The following ITSN1 variants were observed in gnomAD, a reference collection of about 807,000 sequenced individuals.
ITSN1 encodes the protein intersectin-1.
In ITSN1, 58 loss-of-function variants were observed where a neutral mutation model predicts 239.8. That is an observed-to-expected ratio of 0.24 (90% CI 0.20 to 0.30). The LOEUF is 0.30. Among genes scored for constraint, ITSN1 ranks in the 10% least tolerant of loss-of-function variants. The probability of loss-of-function intolerance (pLI) is 1.00; values close to 1 mark genes in which losing one functional copy is unlikely to be tolerated. For synonymous variants in ITSN1, 780 were observed against 770.8 expected, an observed-to-expected ratio of 1.01 and a Z score of -0.20; for missense variants, 1,558 against 2,103.3, an observed-to-expected ratio of 0.74 and a Z score of 5.07.
intron 29 of ITSN1, chr21:33,838,241 A>G (rs1337509820): frequency 9.0e-5 from 89 of 985,174 alleles, no homozygotes; most frequent in Non-Finnish European, 1.0e-4. Context: ...CTGTCCTCCT[A>G]AAGACTCTGT....
In ITSN1 at chr21:33,713,925, C is replaced by G. The variant is rs559710753; in HGVS notation, c.-32-4872C>G. On this transcript the variant is annotated intron_variant, in intron 1 of 39. Coordinates refer to ENST00000381318, the MANE Select transcript of ITSN1 (RefSeq NM_003024.3). ...TCTCGGCTCACTGCAACCTCCGGCTCTCGGGTTCAAGCAATTCTCCTGCCT... is the reference window on the plus strand; with the variant it reads ...TCTCGGCTCACTGCAACCTCCGGCTGTCGGGTTCAAGCAATTCTCCTGCCT... Among the ~76,000 whole-genome samples the G allele has an allele frequency of 3.6e-3, 531 of 146,216 alleles. 2 individuals carry two copies. The highest frequency in any genetic ancestry group is 0.013 in the African/African-American group (502 of 39,560).
intron 33 of ITSN1, among the ~76,000 whole-genome samples, chr21:33,873,931 C>T (rs1381674980): frequency 3.3e-5 from 5 of 151,888 alleles, no homozygotes. Context: ...GAGGCCGAGG[C>T]AGGCAGAACA....
chr21:33,752,002 T>C (rs1432610705), intron 7 of ITSN1, 96 bp downstream of exon 7: 1 of 836,758 alleles, frequency 1.2e-6, no homozygotes, highest in East Asian at 2.6e-5. Flanking sequence ...CTTTTTGTTG[T>C]TGTCATCTTT....
intron 1 of ITSN1, among the ~76,000 whole-genome samples, chr21:33,705,158 A>G (rs1458962660): frequency 1.3e-5 from 2 of 151,670 alleles, no homozygotes; most frequent in Admixed American, 1.3e-4. Context: ...GGAGATAAAA[A>G]TCACTGAACC....
intron 25 of ITSN1, 58 bp downstream of exon 25, chr21:33,823,711 A>G (rs1037113315): frequency 6.6e-7 from 1 of 1,520,976 alleles, no homozygotes; most frequent in African/African-American, 1.4e-5. Context: ...CTTTGTGGGG[A>G]GTCACGATGT....
chr21:33,770,264 T>C (rs2069052309), intron 11 of ITSN1, among the ~76,000 whole-genome samples: 1 of 152,134 alleles, frequency 6.6e-6, no homozygotes, highest in African/African-American at 2.4e-5. Flanking sequence ...GGTTTCTCCA[T>C]GTTGGTCAGG....
In ITSN1 at chr21:33,819,258, C is replaced by T. The variant is rs2073492189; in HGVS notation, c.2951C>T (p.Ser984Leu). 1.2e-6 allele frequency: 2 copies of T among 1,613,166 alleles called. No individual in the cohort carries two copies. Among genetic ancestry groups the T allele is most frequent in the Non-Finnish European group, 1.7e-6 (2 of 1,179,386 alleles). Residue 984 changes from serine to leucine, a missense_variant, in exon 24 of 40, where the codon TCA becomes TTA. Transcript: ENST00000381318. ...TATTGCAGCATGGATTCTGGTTCTT[C>T]AGAGAGTCCTGCTAGTCTAAAGCGA... ...RKSTSMDSGS[S>L]ESPASLKRVA...
rs536632885 is a variant in ITSN1 at position 33,726,703 on chromosome 21, G to A, written c.185+4052G>A. On this transcript the variant is annotated intron_variant, in intron 4 of 39. Transcript: ENST00000381318. The stretch of plus-strand genomic sequence containing the variant: ...TGCCTGGCTAATTTTTGTATTTTAT[G>A]TAGAGATGGGGTTTTGTCATGTTGC... 1.2e-4 allele frequency among the ~76,000 whole-genome samples: 18 copies of A among 152,166 alleles called. No individual in the cohort carries two copies. In the South Asian group the frequency reaches 3.7e-3, roughly 32 times the overall value.
At chr21:33,828,952 C>A in intron 26 of ITSN1, 1 of 471,376 alleles carries the variant, frequency 2.1e-6, no homozygotes, top group South Asian at 1.6e-5. Flanking sequence ...GCATAAAGTT[C>A]CCTTCTTAAC....
rs139755461 is a variant in ITSN1 at position 33,836,497 on chromosome 21, T to G, written c.3526T>G (p.Phe1176Val). The G allele has an allele frequency of 5.0e-6, 8 of 1,613,898 alleles. No individual in the cohort carries two copies. In the African/African-American group the frequency reaches 1.1e-4, roughly 22 times the overall value. The change falls in exon 29 of 40, where the codon TTC becomes GTC. Residue 1176 changes from phenylalanine to valine, a missense_variant. By Grantham distance (50) the Phe-to-Val change is conservative. Around this residue, in one of 2 missense-constraint regions of ITSN1, gnomAD observed 576 missense variants for 893.3 expected, o/e 0.64. Coordinates refer to ENST00000381318, the MANE Select transcript of ITSN1 (RefSeq NM_003024.3). ...YTAQNDDELA[F>V]NKGQIINVLN... ...CGCGCAGAATGACGATGAGCTGGCC[T>G]TCAACAAGGGCCAGATCATCAACGT... is the stretch of plus-strand genomic sequence containing the variant.
intron 1 of ITSN1, among the ~76,000 whole-genome samples, chr21:33,702,121 T>C (rs371301737): frequency 6.8e-6 from 1 of 147,584 alleles, no homozygotes. Flanking sequence ...TTTTTTTTTT[T>C]TTTTTTTTTT....
chr21:33,748,036 A>G (rs116582770), intron 5 of ITSN1, among the ~76,000 whole-genome samples: 95 of 152,378 alleles, frequency 6.2e-4, no homozygotes, highest in African/African-American at 2.2e-3. Context: ...AACATATTAT[A>G]ATGTATGTGA....
At chr21:33,884,933 TA>T in intron 36 of ITSN1, 107 bp from the exon 37 acceptor site, 1 of 773,868 alleles carries the variant, frequency 1.3e-6, no homozygotes, top group Non-Finnish European at 2.2e-6. Context: ...CCTTTGTTGT[TA>T]AAATCAAATG....
At chr21:33,855,637 C>G (rs1170230343) in intron 29 of ITSN1, among the ~76,000 whole-genome samples, 1 of 152,250 alleles carries the variant, frequency 6.6e-6, no homozygotes, top group African/African-American at 2.4e-5. Flanking sequence ...AATGTTCAAA[C>G]AAAACCCCAA....
intron 33 of ITSN1, among the ~76,000 whole-genome samples, chr21:33,872,669 C>A (rs1982956518): frequency 6.6e-6 from 1 of 152,090 alleles, no homozygotes; most frequent in African/African-American, 2.4e-5. Flanking sequence ...GTAGCTGAAA[C>A]CACAGGCAGG....
chr21:33,772,438 A>T, intron 12 of ITSN1, 115 bp downstream of exon 12: 1 of 1,292,034 alleles, frequency 7.7e-7, no homozygotes. Flanking sequence ...TAGTTTTAGT[A>T]TATTCCCAAA....
chr21:33,738,117 AGGTTG>A (rs1290666275), intron 5 of ITSN1, among the ~76,000 whole-genome samples: 4 of 151,726 alleles, frequency 2.6e-5, no homozygotes. Context: ...CAGGAGGTGG[AGGTTG>A]CAGTGAGCCA....
At chr21:33,658,163 A>G (rs747196282) in intron 1 of ITSN1, among the ~76,000 whole-genome samples, 2 of 152,214 alleles carry the variant, frequency 1.3e-5, no homozygotes, top group Non-Finnish European at 2.9e-5. Flanking sequence ...AGAAAATTAT[A>G]AGGAAGATAA....
Position 33,896,032 on chromosome 21 carries a change from T to C in ITSN1, c.*7732T>C, listed in dbSNP as rs915574. ...ACTGTTCTCTGCTGGTTCCCGAAGC[T>C]GATGGGCTCTGTCTTAGGTCTTCTT... is the stretch of plus-strand genomic sequence containing the variant. On this transcript the variant is annotated 3_prime_UTR_variant, in exon 40 of 40. Coordinates refer to ENST00000381318, the MANE Select transcript of ITSN1 (RefSeq NM_003024.3). The C allele has an allele frequency of 0.67, 101,858 of 152,254 alleles. 34,252 individuals carry two copies. Among genetic ancestry groups the C allele is most frequent in the East Asian group, 0.72 (3,726 of 5,176 alleles). The allele number at this position is 152,254 out of a possible 1,614,324, so 9.4% of individuals were successfully genotyped here.
Sources: gnomAD v4.1 joint callset for allele counts (sites outside exome capture counted in the v4.1 genomes callset) on GRCh38, gnomAD v4.1.1 for gene constraint, gnomAD v4.1.1 regional missense constraint, MANE v1.5 for transcripts, NCBI Gene and HGNC (gene_info 2026-07-23, HGNC 2026-07-21) for gene names.